Variants in GRM7 observed in about 807,000 individuals in gnomAD.
GRM7 encodes the protein glutamate metabotropic receptor 7.
GRM7 carries 35 observed loss-of-function variants against 84.5 expected under a neutral mutation model. The ratio of observed to expected loss-of-function variants is 0.41; its 90% CI spans 0.32 to 0.55. The LOEUF (loss-of-function observed/expected upper bound fraction) is 0.55. Ranked by LOEUF, GRM7 falls within the 20% of genes least tolerant of loss-of-function variation. The pLI is 0.19. For synonymous variants in GRM7, 487 were observed against 455.1 expected (o/e 1.07, Z -0.89); for missense variants, 1,003 against 1,194.6 (o/e 0.84, Z 2.36).
chr3:7,332,366 C>T (rs1701241464), intron 4 of GRM7, among the ~76,000 whole-genome samples: 1 of 152,152 alleles, frequency 6.6e-6, no homozygotes, highest in Admixed American at 6.5e-5. Flanking sequence ...TTGGCTGCAG[C>T]CTTCTGTTTC....
chr3:7,041,574 G>A (rs971883517), intron 1 of GRM7, among the ~76,000 whole-genome samples: 9 of 152,208 alleles, frequency 5.9e-5, no homozygotes, highest in African/African-American at 2.2e-4. Context: ...TACAAGTGAA[G>A]CTGTTATAAA....
intron 2 of GRM7, among the ~76,000 whole-genome samples, chr3:7,178,944 C>CA (rs35719504): frequency 0.31 from 46,495 of 149,498 alleles, 7,473 homozygotes; most frequent in Middle Eastern, 0.4. Context: ...CAAAAAAATA[C>CA]AAAAAAAAAA....
chr3:7,162,658 G>T (rs906621986), intron 2 of GRM7, among the ~76,000 whole-genome samples: 2 of 149,784 alleles, frequency 1.3e-5, no homozygotes, highest in Non-Finnish European at 3.0e-5. Context: ...AGGTGTGAGG[G>T]GCTTAAAAAG....
chr3:7,680,003 G>T (rs758911017), intron 8 of GRM7, 46 bp from the exon 9 acceptor site: 2 of 1,594,728 alleles, frequency 1.3e-6, no homozygotes, highest in South Asian at 2.2e-5. Context: ...GACCCCTACT[G>T]CAGTCATTTT....
intron 4 of GRM7, among the ~76,000 whole-genome samples, chr3:7,350,036 A>G (rs1693066443): frequency 6.6e-6 from 1 of 152,090 alleles, no homozygotes; most frequent in South Asian, 2.1e-4. Flanking sequence ...TACAGGCCTC[A>G]CTTGATCCGT....
chr3:6,888,944 C>CACATCCCT (rs1477456481), intron 1 of GRM7, among the ~76,000 whole-genome samples: 3 of 152,142 alleles, frequency 2.0e-5, no homozygotes, highest in Non-Finnish European at 4.4e-5. Context: ...AGAGGTCCTT[C>CACATCCCT]ACATCCCTTG....
chr3:7,385,474 G>T (rs545867938), intron 4 of GRM7, among the ~76,000 whole-genome samples: 1 of 151,492 alleles, frequency 6.6e-6, no homozygotes, highest in African/African-American at 2.4e-5. Flanking sequence ...CTAATTTTTT[G>T]TATTGCTAGT....
chr3:7,724,626 C>T (rs1702060939), intron 9 of GRM7, among the ~76,000 whole-genome samples: 2 of 152,150 alleles, frequency 1.3e-5, no homozygotes, highest in African/African-American at 4.8e-5. Flanking sequence ...GTGAAAATAC[C>T]AGCTGAAAGC....
In GRM7 at chr3:6,989,515, C is replaced by T. The variant is rs191100789; in HGVS notation, c.519+127608C>T. On this transcript the variant is annotated intron_variant, in intron 1 of 9. Coordinates refer to ENST00000357716, the MANE Select transcript of GRM7 (RefSeq NM_000844.4). ...ATAGAAAACTTACTCTTATCTCAGACTTTCTTCCTTCACAAACTTTCTTTC... is the reference window on the plus strand; with the variant it reads ...ATAGAAAACTTACTCTTATCTCAGATTTTCTTCCTTCACAAACTTTCTTTC... Among the ~76,000 whole-genome samples, 480 of 152,336 alleles carry T rather than the reference C, an allele frequency of 3.2e-3. 2 individuals are homozygous for T. The highest frequency in any genetic ancestry group is 0.011 in the African/African-American group (466 of 41,586).
At chr3:7,238,792 TTCTCC>T (rs796929028) in intron 2 of GRM7, among the ~76,000 whole-genome samples, 29 of 148,160 alleles carry the variant, frequency 2.0e-4, no homozygotes, top group South Asian at 4.4e-4. Context: ...CTTTCCTCTC[TTCTCC>T]TCTCCTCTCC....
chr3:7,327,258 T>A lies in GRM7; in HGVS notation c.1033+20606T>A, dbSNP rs185578264. On this transcript the variant is annotated intron_variant, in intron 4 of 9. Transcript: ENST00000357716. Reference sequence around the variant, plus strand: ...GAGTATTTTAAACATGGGCTCCAAGTGAATATTCATGAATTTCTTTATTGC... The same window carrying A: ...GAGTATTTTAAACATGGGCTCCAAGAGAATATTCATGAATTTCTTTATTGC... Among the ~76,000 whole-genome samples the A allele has an allele frequency of 1.6e-3, 248 of 152,244 alleles. 1 individual carries two copies. The highest frequency in any genetic ancestry group is 5.7e-3 in the African/African-American group (237 of 41,520).
intron 2 of GRM7, among the ~76,000 whole-genome samples, chr3:7,215,664 C>CA (rs531648392): frequency 1.5e-5 from 2 of 137,176 alleles, no homozygotes; most frequent in Admixed American, 7.1e-5. Context: ...GACTCTGTCT[C>CA]AAAAAAATAA....
chr3:6,864,597 T>C (rs757770326), intron 1 of GRM7, among the ~76,000 whole-genome samples: 3 of 152,252 alleles, frequency 2.0e-5, no homozygotes, highest in Admixed American at 6.5e-5. Flanking sequence ...ATTGAATTTC[T>C]AGCTTTCCAG....
chr3:7,222,846 T>A (rs1208270247), intron 2 of GRM7, among the ~76,000 whole-genome samples: 2 of 152,212 alleles, frequency 1.3e-5, no homozygotes, highest in Admixed American at 1.3e-4. Flanking sequence ...TTTAAATTAT[T>A]TCTTTTTTAG....
At chr3:7,138,879 A>G (rs1450156107) in intron 1 of GRM7, among the ~76,000 whole-genome samples, 9 of 151,384 alleles carry the variant, frequency 5.9e-5, no homozygotes, top group Non-Finnish European at 5.9e-5. Context: ...GTTTGTACAC[A>G]TTTAGACTTA....
intron 1 of GRM7, among the ~76,000 whole-genome samples, chr3:6,967,012 C>T (rs965235390): frequency 6.6e-6 from 1 of 151,976 alleles, no homozygotes; most frequent in Admixed American, 6.6e-5. Context: ...GTATGTGACT[C>T]TATTATAGCA....
intron 1 of GRM7, among the ~76,000 whole-genome samples, chr3:7,014,510 T>G (rs1209193640): frequency 6.6e-6 from 1 of 151,872 alleles, no homozygotes; most frequent in Non-Finnish European, 1.5e-5. Context: ...CCCAGCTAAT[T>G]TTTGTATTTT....
intron 5 of GRM7, among the ~76,000 whole-genome samples, chr3:7,444,922 G>C (rs892433871): frequency 2.6e-5 from 4 of 152,184 alleles, no homozygotes; most frequent in Non-Finnish European, 5.9e-5. Context: ...AGAGCACTCA[G>C]TACTTCTGCA....
intron 8 of GRM7, among the ~76,000 whole-genome samples, chr3:7,617,614 C>T (rs1425452197): frequency 1.3e-5 from 2 of 151,958 alleles, no homozygotes; most frequent in African/African-American, 4.8e-5. Flanking sequence ...CAAAGAATTC[C>T]TGCAAGGAAA....
Sources: gnomAD v4.1 joint callset for allele counts (sites outside exome capture counted in the v4.1 genomes callset) on GRCh38, gnomAD v4.1.1 for gene constraint, MANE v1.5 for transcripts, NCBI Gene and HGNC (gene_info 2026-07-23, HGNC 2026-07-21) for gene names.